DST: variants seen among roughly 807,000 people sequenced by gnomAD.
The protein encoded by DST is bullous pemphigoid antigen.
In DST, 253 loss-of-function variants were observed where a neutral mutation model predicts 875.2. The observed-to-expected ratio is 0.29, with a 90% CI of 0.26 to 0.32. The LOEUF (loss-of-function observed/expected upper bound fraction) is 0.32, where lower values mean the gene tolerates loss of function less well. DST is among the 10% of genes least tolerant of loss of function. The probability of loss-of-function intolerance (pLI) is 1.00; values close to 1 mark genes in which losing one functional copy is unlikely to be tolerated. For synonymous variants in DST, 3,124 were observed against 3,197.1 expected (o/e 0.98, Z 0.77); for missense variants, 8,287 against 9,111.6 (o/e 0.91, Z 3.68).
At chr6:56,611,128 TGCC>T (rs1426719960) in intron 38 of DST, among the ~76,000 whole-genome samples, 1 of 152,102 alleles carries the variant, frequency 6.6e-6, no homozygotes, top group Non-Finnish European at 1.5e-5. Flanking sequence ...GAAACGAGGC[TGCC>T]ATAGGTCTCA....
intron 22 of DST, among the ~76,000 whole-genome samples, chr6:56,637,276 T>C (rs1358879048): frequency 6.6e-6 from 1 of 152,140 alleles, no homozygotes; most frequent in Non-Finnish European, 1.5e-5. Flanking sequence ...AAGAAAAAAA[T>C]TATCTCTGGC....
chr6:56,844,851 G>A (rs558477774), intron 4 of DST, among the ~76,000 whole-genome samples: 3 of 145,410 alleles, frequency 2.1e-5, no homozygotes, highest in Admixed American at 6.9e-5. Context: ...CAGCCTGGGC[G>A]ACAGAGCAAG....
At chr6:56,497,105 G>A (rs559607976) in intron 82 of DST, among the ~76,000 whole-genome samples, 1 of 151,992 alleles carries the variant, frequency 6.6e-6, no homozygotes, top group South Asian at 2.1e-4. Flanking sequence ...CATGGCACAT[G>A]TATACATATG....
intron 47 of DST, among the ~76,000 whole-genome samples, chr6:56,596,585 T>C (rs1235355609): frequency 6.6e-6 from 1 of 152,248 alleles, no homozygotes; most frequent in Non-Finnish European, 1.5e-5. Context: ...TAAGGTCCTA[T>C]AATAGCCCGT....
intron 3 of DST, 68 bp from the exon 4 acceptor site, chr6:56,851,672 C>T: frequency 6.4e-7 from 1 of 1,562,766 alleles, no homozygotes; most frequent in Non-Finnish European, 8.7e-7. Flanking sequence ...ATTTAAACAT[C>T]TCCCCCACCA....
chr6:56,886,809 A>T (rs542639724), intron 3 of DST, among the ~76,000 whole-genome samples: 21 of 151,736 alleles, frequency 1.4e-4, no homozygotes, highest in African/African-American at 1.9e-4. Context: ...TTCCTGAAAC[A>T]TTACTGTCAT....
chr6:56,787,452 T>C (rs2099707430), intron 4 of DST, among the ~76,000 whole-genome samples: 1 of 152,222 alleles, frequency 6.6e-6, no homozygotes, highest in Non-Finnish European at 1.5e-5. Context: ...TCTACATTCC[T>C]AGACACTATA....
intron 27 of DST, 58 bp from the exon 28 acceptor site, chr6:56,633,095 G>A: frequency 7.0e-7 from 1 of 1,432,248 alleles, no homozygotes; most frequent in Non-Finnish European, 9.8e-7. Context: ...TTGAATGGGA[G>A]ACACTTCAAA....
chr6:56,487,061 AGAG>A, intron 87 of DST, 40 bp downstream of exon 87: 1 of 1,588,530 alleles, frequency 6.3e-7, no homozygotes, highest in Non-Finnish European at 8.6e-7. Context: ...TGTATTTGAA[AGAG>A]GTCTACAGAG....
chr6:56,615,586 T>C (rs1307113169), intron 36 of DST: 8 of 1,614,190 alleles, frequency 5.0e-6, no homozygotes, highest in South Asian at 1.1e-5. Flanking sequence ...GTTTAAGTCC[T>C]GTGTGGAAAT....
chr6:56,817,218 AGT>A (rs2099767618), intron 4 of DST, among the ~76,000 whole-genome samples: 1 of 152,180 alleles, frequency 6.6e-6, no homozygotes, highest in Non-Finnish European at 1.5e-5. Flanking sequence ...CTCCCTTTCT[AGT>A]GTCTCTTCAG....
chr6:56,763,096 C>CA (rs766755753), intron 4 of DST, among the ~76,000 whole-genome samples: 3 of 151,962 alleles, frequency 2.0e-5, no homozygotes, highest in Non-Finnish European at 4.4e-5. Flanking sequence ...GTGATCTGCC[C>CA]ATCTCGGCCT....
Position 56,601,592 on chromosome 6 carries a change from G to A in DST, c.11392C>T (p.Gln3798Ter), listed in dbSNP as rs1305040869. ...TTGCTTTGGTTGGGAGACAGATCCT[G>A]TGCATATTCAGAAATGAAGAACTGC... is the stretch of plus-strand genomic sequence containing the variant. ...DVQFFISEYA[Q>*]DLSPNQSKQL... is the part of the protein sequence containing the mutation. Residue 3798 changes from glutamine (Q) to a stop codon, truncating the protein, a stop_gained, in exon 44 of 104, where the codon CAG (glutamine) becomes TAG (stop). Transcript: ENST00000680361. LOFTEE classifies it high-confidence loss of function. 9 of 1,601,990 alleles carry A rather than the reference G, an allele frequency of 5.6e-6. No homozygotes were observed. The highest frequency in any genetic ancestry group is 1.3e-5 in the African/African-American group (1 of 74,872).
At chr6:56,750,091 G>C (rs1589613313) in intron 4 of DST, among the ~76,000 whole-genome samples, 1 of 152,174 alleles carries the variant, frequency 6.6e-6, no homozygotes, top group African/African-American at 2.4e-5. Context: ...TAAATGTTAA[G>C]TGTGTGGGGT....
intron 61 of DST, among the ~76,000 whole-genome samples, chr6:56,548,479 T>C (rs2152546840): frequency 6.6e-6 from 1 of 152,354 alleles, no homozygotes; most frequent in East Asian, 1.9e-4. Context: ...CTGGGAGGCA[T>C]TCCTTGTATA....
At position 56,534,839 on chromosome 6, in the gene DST, C is replaced by A. The variant is rs142299268; in HGVS notation, c.16941+283G>T. 0.018 allele frequency among the ~76,000 whole-genome samples: 2,694 copies of A among 151,938 alleles called. 72 individuals carry two copies. The highest frequency in any genetic ancestry group is 0.061 in the African/African-American group (2,521 of 41,522). On this transcript the variant is annotated intron_variant, in intron 63 of 103. Transcript: ENST00000680361. ...TATCACCATTCATTTATTTACTTTA[C>A]TTATTGTCTTTCAATCCTGGCACAC... is the stretch of plus-strand genomic sequence containing the variant.
intron 5 of DST, among the ~76,000 whole-genome samples, chr6:56,709,467 G>A (rs750835776): frequency 1.4e-4 from 21 of 152,148 alleles, no homozygotes; most frequent in Non-Finnish European, 8.8e-5. Flanking sequence ...CAACTTTGAA[G>A]AAAAGAGAAT....
intron 5 of DST, among the ~76,000 whole-genome samples, chr6:56,731,672 G>A (rs2099499077): frequency 6.6e-6 from 1 of 152,100 alleles, no homozygotes. Context: ...TTCGCTGTTT[G>A]GATGTATCAT....
rs543888002 is a variant in DST at position 56,469,240 on chromosome 6, TA to T, written c.22552-242del. Among the ~76,000 whole-genome samples, 675 of 152,248 alleles carry T rather than the reference TA, an allele frequency of 4.4e-3. 3 individuals are homozygous for T. The highest frequency in any genetic ancestry group is 0.014 in the African/African-American group (595 of 41,546). On this transcript the variant is annotated intron_variant, in intron 97 of 103. Coordinates refer to ENST00000680361, the MANE Select transcript of DST (RefSeq NM_001374736.1). ...TTAAAATTTTGAATACATTGATGAT[TA>T]TTTTTTTAAGTATAAAAATAAAAAT...
Sources: gnomAD v4.1 joint callset for allele counts (sites outside exome capture counted in the v4.1 genomes callset) on GRCh38, gnomAD v4.1.1 for gene constraint, MANE v1.5 for transcripts, NCBI Gene and HGNC (gene_info 2026-07-23, HGNC 2026-07-21) for gene names.